Variants in TEKTIP1 observed in about 807,000 individuals in gnomAD.
TEKTIP1 encodes tektin bundle-interacting protein 1.
the TEKTIP1 span, among the ~76,000 whole-genome samples, chr19:3,541,012 T>C: frequency 3.5e-5 from 5 of 143,024 alleles, no homozygotes; most frequent in Non-Finnish European, 7.6e-5. Context: ...GTACTAAAAG[T>C]ACAAAAATTA....
chr19:3,542,460 A>G, the TEKTIP1 span: 4 of 985,042 alleles, frequency 4.1e-6, no homozygotes, highest in Admixed American at 1.2e-4. Flanking sequence ...CAAAGCATAA[A>G]ACATCTTTGA....
the TEKTIP1 span, chr19:3,543,017 G>A: frequency 4.4e-6 from 7 of 1,604,414 alleles, no homozygotes; most frequent in South Asian, 7.8e-5. Context: ...GGGTGCTTGG[G>A]GTGCGATGTG....
chr19:3,543,646 G>C, the TEKTIP1 span: 2 of 1,543,936 alleles, frequency 1.3e-6, no homozygotes, highest in Non-Finnish European at 1.7e-6. Flanking sequence ...GGAGCGCGCT[G>C]TGGAAAGACA....
chr19:3,541,354 G>A, the TEKTIP1 span, among the ~76,000 whole-genome samples: 10 of 150,602 alleles, frequency 6.6e-5, no homozygotes, highest in East Asian at 2.0e-4. Context: ...AGAGGGTCTC[G>A]CTCGGTTGCC....
the TEKTIP1 span, chr19:3,542,678 T>C: frequency 8.3e-7 from 1 of 1,200,756 alleles, no homozygotes; most frequent in Non-Finnish European, 1.1e-6. Flanking sequence ...AGATGGGGTT[T>C]TACCATGCTG....
the TEKTIP1 span, chr19:3,542,908 A>G: frequency 7.0e-7 from 1 of 1,428,596 alleles, no homozygotes; most frequent in East Asian, 3.6e-5. Context: ...AGGCTGGACA[A>G]GGACTGTAGG....
At chr19:3,541,542 C>T in the TEKTIP1 span, 10 of 420,482 alleles carry the variant, frequency 2.4e-5, 1 homozygote, top group Admixed American at 7.0e-5. Context: ...AGGCTGGTCT[C>T]AAACTCCTGA....
the TEKTIP1 span, chr19:3,539,178 A>G: frequency 5.1e-5 from 79 of 1,549,762 alleles, no homozygotes; most frequent in East Asian, 1.7e-3. Flanking sequence ...CCAGGCAGAC[A>G]TGCAAACCCT....
chr19:3,541,229 G>A, the TEKTIP1 span, among the ~76,000 whole-genome samples: 3 of 151,198 alleles, frequency 2.0e-5, no homozygotes, highest in African/African-American at 4.9e-5. Flanking sequence ...CCAGCTACTT[G>A]GGAGGCTGAG....
the TEKTIP1 span, chr19:3,543,261 C>G: frequency 1.3e-6 from 2 of 1,546,530 alleles, no homozygotes; most frequent in South Asian, 2.4e-5. Flanking sequence ...CTGGAGGGTT[C>G]CCGCTGGCCA....
chr19:3,543,491 C>A, the TEKTIP1 span: 26 of 1,515,992 alleles, frequency 1.7e-5, no homozygotes, highest in Non-Finnish European at 2.2e-5. Flanking sequence ...CCCCCCCCCC[C>A]GCCCTGGGCA....
the TEKTIP1 span, chr19:3,544,002 C>T: frequency 1.3e-6 from 2 of 1,540,054 alleles, no homozygotes; most frequent in Non-Finnish European, 1.8e-6. Flanking sequence ...CACACCCACT[C>T]CCCGATAAAG....
At chr19:3,540,470 A>C in the TEKTIP1 span, among the ~76,000 whole-genome samples, 5,973 of 149,380 alleles carry the variant, frequency 0.04, 204 homozygotes, top group African/African-American at 0.093. Flanking sequence ...GTTGGCCAGG[A>C]TGGTCTCGAT....
the TEKTIP1 span, chr19:3,543,802 A>C: frequency 6.7e-7 from 1 of 1,503,218 alleles, no homozygotes; most frequent in Non-Finnish European, 8.9e-7. Flanking sequence ...AGGTGGGGGC[A>C]CATGGTGACC....
the TEKTIP1 span, chr19:3,543,410 T>G: frequency 1.6e-5 from 25 of 1,547,654 alleles, no homozygotes; most frequent in Non-Finnish European, 2.0e-5. Context: ...GGCCAGCCCC[T>G]TCCGCGAGGC....
the TEKTIP1 span, chr19:3,543,668 G>A: frequency 3.2e-6 from 5 of 1,539,842 alleles, no homozygotes; most frequent in African/African-American, 5.5e-5. Flanking sequence ...GCCAATCCGG[G>A]GCAAGGAATA....
the TEKTIP1 span, chr19:3,541,626 C>T: frequency 8.1e-6 from 8 of 984,156 alleles, no homozygotes; most frequent in African/African-American, 1.8e-5. Flanking sequence ...CAGTGCAAGA[C>T]CCTATTTCTA....
the TEKTIP1 span, chr19:3,543,250 C>T: frequency 6.5e-7 from 1 of 1,545,802 alleles, no homozygotes; most frequent in Non-Finnish European, 8.7e-7. Context: ...ACTACCTGTC[C>T]CTGGAGGGTT....
chr19:3,539,228 C>T, the TEKTIP1 span: 8 of 1,550,656 alleles, frequency 5.2e-6, no homozygotes, highest in Admixed American at 7.8e-5. Flanking sequence ...CCTCGGGGAC[C>T]CTCGAGGCCA....
Sources: allele counts gnomAD v4.1 joint callset (sites outside exome capture counted in the v4.1 genomes callset), GRCh38; gene constraint gnomAD v4.1.1; transcripts MANE v1.5; gene names NCBI Gene and HGNC (gene_info 2026-07-23, HGNC 2026-07-21).